The following PAGE2B variants were observed in gnomAD, a reference collection of about 807,000 sequenced individuals.
The protein encoded by PAGE2B is PAGE family member 2B.
Under a neutral mutation model 7.6 loss-of-function variants are expected in PAGE2B, and 5 were observed. The observed-to-expected ratio is 0.66, with a 90% CI of 0.34 to 1.38. The LOEUF (loss-of-function observed/expected upper bound fraction) is 1.38. Ranked by LOEUF, PAGE2B falls within the 40% of genes most tolerant of loss-of-function variation. The pLI is 0.04. For synonymous variants in PAGE2B, 29 were observed against 26.7 expected (o/e 1.09, Z -0.27); for missense variants, 70 against 78.4 (o/e 0.89, Z 0.41).
intron 1 of PAGE2B, among the ~76,000 whole-genome samples, chrX:55,075,439 C>T (rs182619734): frequency 7.0e-4 from 77 of 110,659 alleles, no homozygotes; most frequent in African/African-American, 2.3e-3. Context: ...CCAGACTCCT[C>T]GGTAGGGACG....
At position 55,075,947 on chromosome X, in the gene PAGE2B, A is replaced by G. The variant is rs925297954; in HGVS notation, c.-8-87A>G. ...TGAAAATATTTTCAAAATTAAAAAAATACAAATCACCATTTTGCCATGGAA... is the reference window on the plus strand; with the variant it reads ...TGAAAATATTTTCAAAATTAAAAAAGTACAAATCACCATTTTGCCATGGAA... On this transcript the variant is annotated intron_variant, in intron 1 of 4. Coordinates refer to ENST00000374971, the MANE Select transcript of PAGE2B (RefSeq NM_001015038.3). 28 of 922,550 alleles carry G rather than the reference A, an allele frequency of 3.0e-5. No individual in the cohort carries two copies. The Admixed American group carries it at 6.3e-4, about 21-fold the overall frequency. 76.0% of individuals were successfully genotyped at this position (922,550 alleles called of 1,213,427 possible). A position where few individuals can be genotyped will look rare whatever the true frequency, so the allele number is the denominator to read the frequency against.
the PAGE2B span, among the ~76,000 whole-genome samples, chrX:55,067,613 C>A: frequency 9.0e-6 from 1 of 111,553 alleles, no homozygotes. Flanking sequence ...GCTCTAGAAC[C>A]TTGAGGAATC....
At chrX:55,035,654 G>C in the PAGE2B span, among the ~76,000 whole-genome samples, 3 of 112,017 alleles carry the variant, frequency 2.7e-5, no homozygotes, top group Admixed American at 9.5e-5. Context: ...ATCAGCCCTC[G>C]AGCCAGATTA....
the PAGE2B span, among the ~76,000 whole-genome samples, chrX:55,058,352 G>A: frequency 4.5e-5 from 5 of 110,594 alleles, no homozygotes; most frequent in Non-Finnish European, 9.5e-5. Flanking sequence ...TTTGTAGATG[G>A]GGCATAAAGG....
the PAGE2B span, among the ~76,000 whole-genome samples, chrX:55,043,566 C>A: frequency 1.8e-5 from 2 of 111,306 alleles, no homozygotes; most frequent in Non-Finnish European, 3.8e-5. Flanking sequence ...AAATGGCCAA[C>A]AAACATATGA....
At chrX:55,050,012 T>C in the PAGE2B span, among the ~76,000 whole-genome samples, 1 of 112,251 alleles carries the variant, frequency 8.9e-6, no homozygotes, top group Non-Finnish European at 1.9e-5. Flanking sequence ...GTTGTGTCTT[T>C]GTTCTCATTG....
Position 55,077,456 on chromosome X carries a change from C to G in PAGE2B, c.251C>G (p.Pro84Arg), listed in dbSNP as rs146503411. 4,826 of 1,210,488 alleles carry G rather than the reference C, an allele frequency of 4.0e-3. 144 individuals are homozygous for G. In the African/African-American group the frequency reaches 0.074, roughly 19 times the overall value. The change falls in exon 4 of 5, where the codon CCT becomes CGT. Residue 84 changes from proline to arginine, a missense_variant. Pro to Arg is a moderately radical substitution (Grantham distance 103). Transcript: ENST00000374971. Reference sequence around the variant, plus strand: ...GCTCTGCTTAAGATAGAGGATGAGCCTGGAGATGGTCCTGATGTCAGGGAG... The same window carrying G: ...GCTCTGCTTAAGATAGAGGATGAGCGTGGAGATGGTCCTGATGTCAGGGAG... ...ELALLKIEDE[P>R]GDGPDVREGI... is the part of the protein sequence containing the mutation.
intron 4 of PAGE2B, among the ~76,000 whole-genome samples, chrX:55,078,000 C>T (rs1936543240): frequency 2.4e-5 from 2 of 83,845 alleles, no homozygotes; most frequent in Non-Finnish European, 4.5e-5. Context: ...AAGATGAAAA[C>T]GTGTTCTGAC....
chrX:55,075,896 A>T, intron 1 of PAGE2B, 138 bp from the exon 2 acceptor site: 1 of 596,418 alleles, frequency 1.7e-6, no homozygotes, highest in Non-Finnish European at 2.6e-6. Context: ...AAGCGTGGGT[A>T]CTTATCAATG....
the PAGE2B span, among the ~76,000 whole-genome samples, chrX:55,037,528 T>A: frequency 1.8e-5 from 2 of 111,071 alleles, no homozygotes; most frequent in African/African-American, 6.6e-5. Context: ...GAAATACCAT[T>A]TGACCCAGCA....
the PAGE2B span, among the ~76,000 whole-genome samples, chrX:55,043,253 A>G: frequency 8.9e-6 from 1 of 112,209 alleles, no homozygotes; most frequent in Admixed American, 9.5e-5. Flanking sequence ...TAACATGAGG[A>G]AAACTCTTCT....
At chrX:55,069,147 C>T in the PAGE2B span, among the ~76,000 whole-genome samples, 1 of 111,727 alleles carries the variant, frequency 9.0e-6, no homozygotes, top group African/African-American at 3.3e-5. Flanking sequence ...CCAGTTTTTG[C>T]CCATTCAGTA....
chrX:55,049,676 G>A, the PAGE2B span, among the ~76,000 whole-genome samples: 1,357 of 110,649 alleles, frequency 0.012, 22 homozygotes, highest in African/African-American at 0.043. Flanking sequence ...TTTTTATTGC[G>A]TCTATTTGCT....
the PAGE2B span, among the ~76,000 whole-genome samples, chrX:55,040,299 C>G: frequency 9.2e-6 from 1 of 109,284 alleles, no homozygotes; most frequent in Non-Finnish European, 1.9e-5. Context: ...CCCTCCCCCA[C>G]CCCACGACAG....
At chrX:55,076,228 A>T (rs988101090) in intron 2 of PAGE2B, 103 bp downstream of exon 2, 16 of 945,374 alleles carry the variant, frequency 1.7e-5, no homozygotes, top group Non-Finnish European at 2.2e-5. Context: ...ATGCTGATAA[A>T]AAATGATGAT....
At chrX:55,043,067 A>G in the PAGE2B span, among the ~76,000 whole-genome samples, 2 of 111,547 alleles carry the variant, frequency 1.8e-5, no homozygotes, top group Non-Finnish European at 3.8e-5. Flanking sequence ...GACCTTTAAC[A>G]AAGCAAACAA....
At chrX:55,041,014 A>C in the PAGE2B span, among the ~76,000 whole-genome samples, 1 of 109,404 alleles carries the variant, frequency 9.1e-6, no homozygotes, top group African/African-American at 3.3e-5. Flanking sequence ...GACTGGCAGC[A>C]TCTCTGGTAG....
chrX:55,075,609 G>A (rs1317778394), intron 1 of PAGE2B, among the ~76,000 whole-genome samples: 4 of 111,213 alleles, frequency 3.6e-5, no homozygotes, highest in Non-Finnish European at 7.5e-5. Flanking sequence ...CGCCATGGAC[G>A]CCATGGAAGG....
the PAGE2B span, among the ~76,000 whole-genome samples, chrX:55,041,892 GA>G: frequency 1.8e-5 from 2 of 111,663 alleles, no homozygotes; most frequent in African/African-American, 3.3e-5. Context: ...AATTGGCATA[GA>G]AGGGATGTAA....
Sources: gnomAD v4.1 joint callset for allele counts (sites outside exome capture counted in the v4.1 genomes callset) on GRCh38, gnomAD v4.1.1 for gene constraint, MANE v1.5 for transcripts, NCBI Gene and HGNC (gene_info 2026-07-23, HGNC 2026-07-21) for gene names.